Variants in ARID1B observed in about 807,000 individuals in gnomAD.
The protein encoded by ARID1B is AT-rich interactive domain-containing protein 1B.
A neutral mutation model predicts 212.3 loss-of-function variants in ARID1B; 30 were observed. The ratio of observed to expected loss-of-function variants is 0.14; its 90% CI spans 0.11 to 0.19. ARID1B has a LOEUF of 0.19. Ranked by LOEUF, ARID1B falls within the 10% of genes least tolerant of loss-of-function variation. ARID1B has a pLI of 1.00. For missense variants in ARID1B, 2,891 were observed against 3,204.0 expected (o/e 0.90, Z 2.36); for synonymous variants, 1,402 against 1,301.7 (o/e 1.08, Z -1.66).
chr6:156,962,601 G>GC (rs1794464292), intron 4 of ARID1B, among the ~76,000 whole-genome samples: 1 of 151,970 alleles, frequency 6.6e-6, no homozygotes, highest in African/African-American at 2.4e-5. Context: ...TCCAACTTCA[G>GC]CCCCCCAAGT....
At chr6:156,875,816 G>A (rs1786500580) in intron 2 of ARID1B, among the ~76,000 whole-genome samples, 1 of 152,216 alleles carries the variant, frequency 6.6e-6, no homozygotes, top group Non-Finnish European at 1.5e-5. Context: ...AACTCTCTTG[G>A]TGATTACAAG....
intron 4 of ARID1B, among the ~76,000 whole-genome samples, chr6:156,999,829 G>A (rs1228060349): frequency 1.3e-5 from 2 of 152,186 alleles, no homozygotes; most frequent in Non-Finnish European, 2.9e-5. Context: ...CACCATGCCC[G>A]GCCTAAACAC....
rs543810479 is a variant in ARID1B at position 156,942,260 on chromosome 6, A to G, written c.2247+6684A>G. ...GATAATAGAAGGATAAGGATGATCT[A>G]TAGTTGATAAATGAGGCTCATTAAG... On this transcript the variant is annotated intron_variant, in intron 4 of 19. Transcript: ENST00000636930. The G allele has an allele frequency of 1.1e-4, 16 of 152,366 alleles. No individual in the cohort carries two copies. The East Asian group carries it at 2.7e-3, about 26-fold the overall frequency. 9.4% of individuals were successfully genotyped at this position (152,366 alleles called of 1,614,324 possible).
intron 2 of ARID1B, among the ~76,000 whole-genome samples, chr6:156,836,437 G>A (rs955585484): frequency 3.3e-5 from 5 of 152,082 alleles, no homozygotes; most frequent in East Asian, 1.9e-4. Flanking sequence ...TGGCCCACTC[G>A]GTGAATCAGA....
chr6:156,979,723 A>C (rs1275534365), intron 4 of ARID1B, among the ~76,000 whole-genome samples: 1 of 151,990 alleles, frequency 6.6e-6, no homozygotes, highest in Non-Finnish European at 1.5e-5. Flanking sequence ...ATGCCCAGGT[A>C]ATTTTTGTAT....
chr6:157,118,173 A>G (rs1293350396), intron 6 of ARID1B, among the ~76,000 whole-genome samples: 2 of 152,244 alleles, frequency 1.3e-5, no homozygotes, highest in Non-Finnish European at 2.9e-5. Context: ...TAGATTAACA[A>G]GTCAGTACTG....
chr6:156,803,079 A>G (rs1032713165), intron 1 of ARID1B, among the ~76,000 whole-genome samples: 1 of 151,866 alleles, frequency 6.6e-6, no homozygotes, highest in African/African-American at 2.4e-5. Flanking sequence ...GTTTTTTTTT[A>G]AATTACTGCT....
At position 157,094,962 on chromosome 6, in the gene ARID1B, A is replaced by AT. The variant is rs1358525777; in HGVS notation, c.2491+10058dup. On this transcript the variant is annotated intron_variant, in intron 5 of 19. Transcript: ENST00000636930. This position sits in a 1 kb window ranked among gnomAD's most constrained non-coding sequence, Gnocchi z 4.3. ...GGGAATCGAGAGTTTGGTTTTAAACATACTGTATTTGAGGTTCCTACTGGG... is the reference window on the plus strand; with the variant it reads ...GGGAATCGAGAGTTTGGTTTTAAACATTACTGTATTTGAGGTTCCTACTGGG... Among the ~76,000 whole-genome samples the AT allele has an allele frequency of 6.6e-6, 1 of 152,170 alleles. No homozygotes were observed. The highest frequency in any genetic ancestry group is 1.5e-5 in the Non-Finnish European group (1 of 68,026).
chr6:156,981,305 G>A (rs1207900817), intron 4 of ARID1B, among the ~76,000 whole-genome samples: 1 of 152,184 alleles, frequency 6.6e-6, no homozygotes, highest in Non-Finnish European at 1.5e-5. Context: ...AGGCAATGGA[G>A]AGTCTCTGCC....
At chr6:156,798,886 T>G (rs919338230) in intron 1 of ARID1B, among the ~76,000 whole-genome samples, 5 of 152,242 alleles carry the variant, frequency 3.3e-5, no homozygotes, top group Non-Finnish European at 5.9e-5. Context: ...TGAAACCTTA[T>G]GTTTGAGAGC....
chr6:157,111,916 C>T (rs543257917), intron 6 of ARID1B, among the ~76,000 whole-genome samples: 1 of 152,256 alleles, frequency 6.6e-6, no homozygotes, highest in Non-Finnish European at 1.5e-5. Flanking sequence ...CCCAAGTTTC[C>T]AATTCAGAAG....
intron 1 of ARID1B, among the ~76,000 whole-genome samples, chr6:156,828,196 G>A (rs749686361): frequency 6.6e-6 from 1 of 151,570 alleles, no homozygotes; most frequent in Admixed American, 6.6e-5. Flanking sequence ...TGAACAGCTC[G>A]GACTATAGGT....
Position 157,148,371 on chromosome 6 carries a change from C to A in ARID1B, c.2762-253C>A, listed in dbSNP as rs374287051. Among the ~76,000 whole-genome samples, 3 of 152,108 alleles carry A rather than the reference C, an allele frequency of 2.0e-5. No individual in the cohort carries two copies. Among genetic ancestry groups the A allele is most frequent in the Non-Finnish European group, 4.4e-5 (3 of 67,996 alleles). On this transcript the variant is annotated intron_variant, in intron 7 of 19. Coordinates refer to ENST00000636930, the MANE Select transcript of ARID1B (RefSeq NM_001374828.1). The surrounding 1 kb of genome is among the most constrained non-coding windows in gnomAD (Gnocchi z 5.6). ...TTTTTTTGTTTGTTTCTTTTTATGA[C>A]CAGCCTGAATTTCTCTTCATCAGTG...
intron 13 of ARID1B, among the ~76,000 whole-genome samples, chr6:157,189,277 A>C (rs112404370): frequency 0.013 from 2,054 of 152,334 alleles, 55 homozygotes; most frequent in African/African-American, 0.047. Flanking sequence ...GATTATTTCC[A>C]GTCTAGACAA....
At chr6:156,827,754 CTTTTTTTTTTTTTTTTTTT>C (rs532857305) in intron 1 of ARID1B, among the ~76,000 whole-genome samples, 1 of 68,420 alleles carries the variant, frequency 1.5e-5, no homozygotes, top group African/African-American at 4.8e-5. Flanking sequence ...CCTGGTAATT[CTTTTTTTTTTTTTTTTTTT>C]TTTTTTTTTT....
chr6:157,079,915 A>G (rs934111020), intron 4 of ARID1B, among the ~76,000 whole-genome samples: 2 of 152,220 alleles, frequency 1.3e-5, no homozygotes, highest in African/African-American at 4.8e-5. Context: ...AGGAGAAGAG[A>G]CACTACTTCT....
chr6:156,803,563 C>T (rs1201273067), intron 1 of ARID1B, among the ~76,000 whole-genome samples: 1 of 151,472 alleles, frequency 6.6e-6, no homozygotes, highest in African/African-American at 2.4e-5. Flanking sequence ...TCCCTCCTTT[C>T]TCTTCAAGTG....
At chr6:156,908,819 C>G (rs1445383212) in intron 3 of ARID1B, among the ~76,000 whole-genome samples, 1 of 151,918 alleles carries the variant, frequency 6.6e-6, no homozygotes, top group African/African-American at 2.4e-5. Flanking sequence ...ATTGATTGGT[C>G]TTTGCTTTTG....
chr6:156,921,479 AC>A (rs1790789827), intron 3 of ARID1B, among the ~76,000 whole-genome samples: 2 of 147,998 alleles, frequency 1.4e-5, no homozygotes, highest in African/African-American at 5.3e-5. Context: ...ACACACACAC[AC>A]ACACACACAC....
Sources: gnomAD v4.1 joint callset for allele counts (sites outside exome capture counted in the v4.1 genomes callset) on GRCh38, gnomAD v4.1.1 for gene constraint, Gnocchi (gnomAD v3.1) non-coding constraint, MANE v1.5 for transcripts, NCBI Gene and HGNC (gene_info 2026-07-23, HGNC 2026-07-21) for gene names.